NXPH2: variants seen among roughly 807,000 people sequenced by gnomAD.
The protein encoded by NXPH2 is neurexophilin 2, also known as neurexophilin-2.
A neutral mutation model predicts 19.8 loss-of-function variants in NXPH2; 5 were observed. The observed-to-expected ratio is 0.25, with a 90% CI of 0.13 to 0.53. The LOEUF is 0.53. NXPH2 is among the 20% of genes least tolerant of loss of function. The pLI is 0.96. For missense variants in NXPH2, 289 were observed against 322.8 expected, an observed-to-expected ratio of 0.90 and a Z score of 0.80; for synonymous variants, 154 against 127.4, an observed-to-expected ratio of 1.21 and a Z score of -1.41.
At chr2:138,753,929 T>C (rs1681862459) in intron 1 of NXPH2, among the ~76,000 whole-genome samples, 1 of 152,188 alleles carries the variant, frequency 6.6e-6, no homozygotes, top group African/African-American at 2.4e-5. Flanking sequence ...TCATCATTCA[T>C]ATATACAATT....
chr2:138,767,658 T>G (rs1051380933), intron 1 of NXPH2, among the ~76,000 whole-genome samples: 1 of 152,228 alleles, frequency 6.6e-6, no homozygotes, highest in Non-Finnish European at 1.5e-5. Flanking sequence ...TATTTTGTTG[T>G]TAATAAGATA....
At chr2:138,734,784 C>T (rs1681513818) in intron 1 of NXPH2, among the ~76,000 whole-genome samples, 1 of 152,068 alleles carries the variant, frequency 6.6e-6, no homozygotes, top group African/African-American at 2.4e-5. Flanking sequence ...GCTCAGATGG[C>T]TGATAGAACC....
chr2:138,698,583 G>T (rs1049079213), intron 1 of NXPH2, among the ~76,000 whole-genome samples: 1 of 152,150 alleles, frequency 6.6e-6, no homozygotes, highest in Non-Finnish European at 1.5e-5. Flanking sequence ...GGCCAGGCGT[G>T]GTGACTCAGG....
In NXPH2 at chr2:138,766,805, T is replaced by C. The variant is rs370212880; in HGVS notation, c.51+13386A>G. Among the ~76,000 whole-genome samples, 6 of 152,294 alleles carry C rather than the reference T, an allele frequency of 3.9e-5. No individual in the cohort carries two copies. In the East Asian group the frequency reaches 5.8e-4, roughly 15 times the overall value. ...ACAAAACACAAAATATACATTAAGG[T>C]CAAAATGCTTTTTCCACATGCTAAT... On this transcript the variant is annotated intron_variant, in intron 1 of 1. Transcript: ENST00000272641.
In NXPH2 at chr2:138,698,626, G is replaced by T. The variant is rs144587386; in HGVS notation, c.52-26961C>A. 3.4e-3 allele frequency among the ~76,000 whole-genome samples: 511 copies of T among 152,246 alleles called. 3 individuals carry two copies. The highest frequency in any genetic ancestry group is 0.012 in the African/African-American group (485 of 41,538). ...TCTCAGCACTGTGGGAGGCCAAGGCGGGAGGATCCTTTGAGCCCAGGAGTT... is the reference window on the plus strand; with the variant it reads ...TCTCAGCACTGTGGGAGGCCAAGGCTGGAGGATCCTTTGAGCCCAGGAGTT... On this transcript the variant is annotated intron_variant, in intron 1 of 1. Coordinates refer to ENST00000272641, the MANE Select transcript of NXPH2 (RefSeq NM_007226.3).
intron 1 of NXPH2, among the ~76,000 whole-genome samples, chr2:138,683,244 A>G (rs113638390): frequency 3.9e-5 from 6 of 152,150 alleles, no homozygotes; most frequent in African/African-American, 1.4e-4. Flanking sequence ...GGCACTGTCT[A>G]CTTTCATCAT....
intron 1 of NXPH2, among the ~76,000 whole-genome samples, chr2:138,772,962 G>A (rs896436189): frequency 2.0e-5 from 3 of 152,152 alleles, no homozygotes; most frequent in Admixed American, 6.5e-5. Context: ...GATTAACCAC[G>A]AAAGAATTTT....
chr2:138,736,137 G>A lies in NXPH2; in HGVS notation c.51+44054C>T, dbSNP rs563788484. On this transcript the variant is annotated intron_variant, in intron 1 of 1. Transcript: ENST00000272641. ...CTGCCAGTGGATCTATCATTCTGGG[G>A]TCTGGTGGAGAGTGGCCCTCTTCTC... is the stretch of plus-strand genomic sequence containing the variant. Among the ~76,000 whole-genome samples, 13 of 152,290 alleles carry A rather than the reference G, an allele frequency of 8.5e-5. No homozygotes were observed. The South Asian group carries it at 2.5e-3, about 29-fold the overall frequency.
intron 1 of NXPH2, among the ~76,000 whole-genome samples, chr2:138,749,439 T>C (rs1451921718): frequency 1.3e-5 from 2 of 152,212 alleles, no homozygotes; most frequent in Non-Finnish European, 2.9e-5. Flanking sequence ...GTTTATAAAA[T>C]TCCTTTTATA....
intron 1 of NXPH2, among the ~76,000 whole-genome samples, chr2:138,713,010 T>G (rs561648808): frequency 6.6e-5 from 10 of 152,368 alleles, no homozygotes; most frequent in African/African-American, 2.2e-4. Context: ...GTGTTGGTTA[T>G]TCAAGAAAAT....
intron 1 of NXPH2, among the ~76,000 whole-genome samples, chr2:138,689,939 A>C (rs1680723414): frequency 6.6e-6 from 1 of 152,220 alleles, no homozygotes; most frequent in Non-Finnish European, 1.5e-5. Context: ...CTGTACATGC[A>C]GGAAGTAGCT....
intron 1 of NXPH2, among the ~76,000 whole-genome samples, chr2:138,697,285 A>G (rs542323028): frequency 1.3e-5 from 2 of 152,256 alleles, no homozygotes; most frequent in South Asian, 4.1e-4. Flanking sequence ...AAAACTTTTG[A>G]AAATGATTTA....
At chr2:138,689,383 G>A (rs72860162) in intron 1 of NXPH2, among the ~76,000 whole-genome samples, 6,462 of 152,212 alleles carry the variant, frequency 0.042, 197 homozygotes, top group Non-Finnish European at 0.06. Flanking sequence ...ATGCAAGAAT[G>A]GTTCTGGAAA....
intron 1 of NXPH2, among the ~76,000 whole-genome samples, chr2:138,686,172 G>A (rs1012641222): frequency 1.3e-5 from 2 of 152,142 alleles, no homozygotes; most frequent in African/African-American, 2.4e-5. Context: ...AATGAGGGGC[G>A]TCTTTCCTGG....
In NXPH2 at chr2:138,685,776, A is replaced by C. The variant is rs75841365; in HGVS notation, c.52-14111T>G. ...AAGTAAGCTGGGGACAATCTATATA[A>C]GGTTACTTGATGGTGACTTAATCAC... On this transcript the variant is annotated intron_variant, in intron 1 of 1. Coordinates refer to ENST00000272641, the MANE Select transcript of NXPH2 (RefSeq NM_007226.3). Among the ~76,000 whole-genome samples the C allele has an allele frequency of 2.2e-3, 332 of 152,334 alleles. 1 individual carries two copies. Among genetic ancestry groups the C allele is most frequent in the Non-Finnish European group, 3.4e-3 (230 of 68,024 alleles).
At chr2:138,695,379 G>A (rs1373595485) in intron 1 of NXPH2, among the ~76,000 whole-genome samples, 3 of 152,154 alleles carry the variant, frequency 2.0e-5, no homozygotes, top group Non-Finnish European at 4.4e-5. Flanking sequence ...ATTTCTATGA[G>A]TAAATTTATA....
chr2:138,745,500 G>A lies in NXPH2; in HGVS notation c.51+34691C>T, dbSNP rs866457842. Among the ~76,000 whole-genome samples the A allele has an allele frequency of 3.4e-5, 5 of 148,470 alleles. 1 individual carries two copies. Among genetic ancestry groups the A allele is most frequent in the Admixed American group, 1.3e-4 (2 of 14,966 alleles). Reference sequence around the variant, plus strand: ...CTTTTCTTCTTTTTTTGGCGGGGGGGGGGGGGTGTTGTTTGCATGTTTTTC... The same window carrying A: ...CTTTTCTTCTTTTTTTGGCGGGGGGAGGGGGGTGTTGTTTGCATGTTTTTC... On this transcript the variant is annotated intron_variant, in intron 1 of 1. Coordinates refer to ENST00000272641, the MANE Select transcript of NXPH2 (RefSeq NM_007226.3).
chr2:138,682,321 C>G (rs1680590864), intron 1 of NXPH2, among the ~76,000 whole-genome samples: 1 of 152,144 alleles, frequency 6.6e-6, no homozygotes, highest in African/African-American at 2.4e-5. Flanking sequence ...GCTGACAAAA[C>G]AGGAACATGC....
chr2:138,775,413 T>C (rs1682245703), intron 1 of NXPH2, among the ~76,000 whole-genome samples: 1 of 152,148 alleles, frequency 6.6e-6, no homozygotes, highest in Admixed American at 6.5e-5. Flanking sequence ...TTTAGATTCC[T>C]TTTTTATTTA....
Sources: allele counts gnomAD v4.1 joint callset (sites outside exome capture counted in the v4.1 genomes callset), GRCh38; gene constraint gnomAD v4.1.1; transcripts MANE v1.5; gene names NCBI Gene and HGNC (gene_info 2026-07-23, HGNC 2026-07-21).